The following WWTR1 variants were observed in gnomAD, a reference collection of about 807,000 sequenced individuals.
The protein encoded by WWTR1 is WW domain-containing transcription regulator protein 1.
WWTR1 carries 13 observed loss-of-function variants against 40.1 expected under a neutral mutation model. The ratio of observed to expected loss-of-function variants is 0.32; its 90% CI spans 0.21 to 0.52. The LOEUF (loss-of-function observed/expected upper bound fraction) is 0.52. Ranked by LOEUF, WWTR1 falls within the 20% of genes least tolerant of loss-of-function variation. WWTR1 has a pLI of 0.97. For missense variants in WWTR1, 436 were observed against 523.1 expected, an observed-to-expected ratio of 0.83 and a Z score of 1.63; for synonymous variants, 230 against 210.1, an observed-to-expected ratio of 1.09 and a Z score of -0.82.
chr3:149,686,631 C>A (rs1048451174), intron 1 of WWTR1, among the ~76,000 whole-genome samples: 1 of 152,180 alleles, frequency 6.6e-6, no homozygotes, highest in Non-Finnish European at 1.5e-5. Flanking sequence ...GGGTTACACA[C>A]ACACACCTAA....
intron 2 of WWTR1, among the ~76,000 whole-genome samples, chr3:149,608,710 A>G (rs553052738): frequency 6.6e-6 from 1 of 151,918 alleles, no homozygotes; most frequent in Admixed American, 6.6e-5. Context: ...TTAAAAGGTA[A>G]ATTGCAATAA....
chr3:149,593,135 A>G (rs1186296648), intron 2 of WWTR1, among the ~76,000 whole-genome samples: 4 of 152,208 alleles, frequency 2.6e-5, no homozygotes, highest in Non-Finnish European at 4.4e-5. Context: ...GACACCACAA[A>G]TAGGCATGCT....
chr3:149,561,050 A>G (rs1737059871), intron 3 of WWTR1, among the ~76,000 whole-genome samples: 1 of 152,140 alleles, frequency 6.6e-6, no homozygotes. Context: ...TTTTTAAGAA[A>G]TGTTTATATT....
intron 2 of WWTR1, among the ~76,000 whole-genome samples, chr3:149,619,299 C>T (rs1256294924): frequency 2.6e-5 from 4 of 152,048 alleles, no homozygotes; most frequent in South Asian, 2.1e-4. Context: ...GGAGTTTCTA[C>T]GAGGCAGTGT....
At chr3:149,664,027 C>T (rs909073752) in intron 2 of WWTR1, among the ~76,000 whole-genome samples, 1 of 152,194 alleles carries the variant, frequency 6.6e-6, no homozygotes, top group African/African-American at 2.4e-5. Flanking sequence ...CCATTTTTGC[C>T]TCAGGAAAGC....
intron 2 of WWTR1, among the ~76,000 whole-genome samples, chr3:149,652,180 G>A (rs1205117434): frequency 1.3e-5 from 2 of 151,764 alleles, no homozygotes; most frequent in African/African-American, 4.8e-5. Flanking sequence ...ATACGAATAA[G>A]ATGGTCAACT....
intron 2 of WWTR1, among the ~76,000 whole-genome samples, chr3:149,618,535 G>C (rs1029246335): frequency 2.0e-5 from 3 of 152,168 alleles, no homozygotes; most frequent in African/African-American, 7.2e-5. Flanking sequence ...TCCAGAAACT[G>C]TTTAACAATC....
At chr3:149,715,748 G>A (rs1294392440) in intron 5 of WWTR1, among the ~76,000 whole-genome samples, 1 of 152,168 alleles carries the variant, frequency 6.6e-6, no homozygotes. Flanking sequence ...ATAGAGTTGG[G>A]ATATAAGTAC....
chr3:149,579,219 G>A (rs1317030489), intron 2 of WWTR1, among the ~76,000 whole-genome samples: 1 of 152,166 alleles, frequency 6.6e-6, no homozygotes, highest in Non-Finnish European at 1.5e-5. Flanking sequence ...TTCATACAGT[G>A]TCAGACATCA....
chr3:149,674,733 T>C (rs550531726), intron 1 of WWTR1, among the ~76,000 whole-genome samples: 1 of 152,352 alleles, frequency 6.6e-6, no homozygotes, highest in South Asian at 2.1e-4. Context: ...GAGATTTCTG[T>C]ATACTGTTCC....
chr3:149,592,037 T>C lies in WWTR1; in HGVS notation c.432-19037A>G, dbSNP rs114896260. 4.9e-3 allele frequency among the ~76,000 whole-genome samples: 743 copies of C among 152,282 alleles called. 9 individuals carry two copies. The highest frequency in any genetic ancestry group is 0.017 in the African/African-American group (691 of 41,538). On this transcript the variant is annotated intron_variant, in intron 2 of 6. Coordinates refer to ENST00000360632, the MANE Select transcript of WWTR1 (RefSeq NM_015472.6). ...AATGCTTTCAGGTTCAACCAGACTG[T>C]GAGGAGACACAGCTATGGGGCAAGG...
At chr3:149,650,074 T>G (rs1214622257) in intron 2 of WWTR1, 1 of 152,132 alleles carries the variant, frequency 6.6e-6, no homozygotes, top group East Asian at 1.9e-4. Flanking sequence ...TTGATGAGAA[T>G]AAAATATAAA....
intron 2 of WWTR1, among the ~76,000 whole-genome samples, chr3:149,601,797 C>T (rs75159904): frequency 0.01 from 1,573 of 151,928 alleles, 24 homozygotes; most frequent in African/African-American, 0.035. Flanking sequence ...AGAAATAAAA[C>T]GTGCAGGTTT....
intron 2 of WWTR1, among the ~76,000 whole-genome samples, chr3:149,581,497 C>T (rs1256587007): frequency 6.6e-6 from 1 of 152,168 alleles, no homozygotes; most frequent in African/African-American, 2.4e-5. Context: ...GCTCATCAAA[C>T]ATAGCTGCAG....
intron 4 of WWTR1, among the ~76,000 whole-genome samples, chr3:149,541,980 T>C (rs1458635460): frequency 6.6e-6 from 1 of 152,122 alleles, no homozygotes; most frequent in Non-Finnish European, 1.5e-5. Flanking sequence ...CCCACAAAAT[T>C]GTGCGATATA....
intron 4 of WWTR1, among the ~76,000 whole-genome samples, chr3:149,723,703 G>A (rs1175535091): frequency 1.3e-5 from 2 of 152,172 alleles, no homozygotes; most frequent in Admixed American, 6.5e-5. Flanking sequence ...GGAAAATGTA[G>A]GAAGGGAAAA....
intron 2 of WWTR1, among the ~76,000 whole-genome samples, chr3:149,599,512 TAAAG>T (rs2108046862): frequency 6.6e-6 from 1 of 152,304 alleles, no homozygotes; most frequent in East Asian, 1.9e-4. Flanking sequence ...CTTTCCAAAA[TAAAG>T]AAACAGTGTA....
chr3:149,536,782 G>A (rs1256566882), intron 4 of WWTR1, among the ~76,000 whole-genome samples: 2 of 151,890 alleles, frequency 1.3e-5, no homozygotes, highest in East Asian at 1.9e-4. Flanking sequence ...AGAAAGAAAA[G>A]GTTGAGGGTA....
intron 2 of WWTR1, among the ~76,000 whole-genome samples, chr3:149,574,795 TAA>T (rs35224415): frequency 1.0e-3 from 130 of 126,474 alleles, no homozygotes; most frequent in African/African-American, 2.4e-3. Context: ...TAAATGTGAT[TAA>T]AAAAAAAAAA....
Sources: allele counts gnomAD v4.1 joint callset (sites outside exome capture counted in the v4.1 genomes callset), GRCh38; gene constraint gnomAD v4.1.1; transcripts MANE v1.5; gene names NCBI Gene and HGNC (gene_info 2026-07-23, HGNC 2026-07-21).